ATP8B4: variants seen among roughly 807,000 people sequenced by gnomAD.
ATP8B4 encodes probable phospholipid-transporting ATPase IM.
ATP8B4 carries 133 observed loss-of-function variants against 145.6 expected under a neutral mutation model. The observed-to-expected ratio is 0.91, with a 90% CI of 0.79 to 1.05. ATP8B4 has a LOEUF of 1.05. ATP8B4 is among the 50% of genes least tolerant of loss of function. The pLI is 0.00. For missense variants in ATP8B4, 1,458 were observed against 1,425.2 expected (o/e 1.02, Z -0.37); for synonymous variants, 507 against 492.9 (o/e 1.03, Z -0.38).
chr15:50,168,528 G>T (rs1279829601), intron 1 of ATP8B4, among the ~76,000 whole-genome samples: 2 of 152,316 alleles, frequency 1.3e-5, no homozygotes, highest in East Asian at 3.9e-4. Flanking sequence ...AAGGCCCTGG[G>T]AGCTCGCTGG....
In ATP8B4 at chr15:49,898,048, T is replaced by C. The variant is rs760836659; in HGVS notation, c.2473+20A>G. The C allele has an allele frequency of 2.5e-5, 41 of 1,613,044 alleles. 2 individuals are homozygous for C. The highest frequency in any genetic ancestry group is 1.5e-4 in the South Asian group (14 of 91,062). On this transcript the variant is annotated intron_variant, in intron 22 of 27. Transcript: ENST00000284509. The stretch of plus-strand genomic sequence containing the variant: ...GACCCCATGTATGCAGCATACCCCA[T>C]TGAGCAAATATCCTCTTACTTTTAA...
At chr15:50,035,044 A>C (rs560440188) in intron 6 of ATP8B4, among the ~76,000 whole-genome samples, 70 of 152,310 alleles carry the variant, frequency 4.6e-4, no homozygotes, top group Admixed American at 2.6e-4. Context: ...TCATCAAAAG[A>C]TTTTACCAAA....
intron 2 of ATP8B4, among the ~76,000 whole-genome samples, chr15:50,102,883 A>G (rs558681041): frequency 2.0e-5 from 3 of 152,294 alleles, no homozygotes; most frequent in African/African-American, 7.2e-5. Context: ...CATATCAAAA[A>G]GATTCTCCAA....
rs190558622 is a variant in ATP8B4 at position 49,858,610 on chromosome 15, C to T, written c.*1584G>A. ...GTCTGACCAAGAATTTAATAGGGAC[C>T]AGATTAAGGACTCTGTAGAATTAGA... is the stretch of plus-strand genomic sequence containing the variant. On this transcript the variant is annotated 3_prime_UTR_variant, in exon 28 of 28. Coordinates refer to ENST00000284509, the MANE Select transcript of ATP8B4 (RefSeq NM_024837.4). 2.0e-5 allele frequency: 3 copies of T among 152,124 alleles called. No individual in the cohort carries two copies. Among genetic ancestry groups the T allele is most frequent in the African/African-American group, 4.8e-5 (2 of 41,432 alleles). 9.4% of individuals were successfully genotyped at this position (152,124 alleles called of 1,614,324 possible). A position where few individuals can be genotyped will look rare whatever the true frequency, so the allele number is the denominator to read the frequency against.
At chr15:49,869,523 T>TA (rs1263659781) in intron 25 of ATP8B4, among the ~76,000 whole-genome samples, 1 of 152,000 alleles carries the variant, frequency 6.6e-6, no homozygotes, top group African/African-American at 2.4e-5. Context: ...TGAAAAAAGA[T>TA]AAAAACTACA....
intron 3 of ATP8B4, among the ~76,000 whole-genome samples, chr15:50,055,871 C>T (rs987727909): frequency 6.6e-6 from 1 of 152,134 alleles, no homozygotes; most frequent in South Asian, 2.1e-4. Flanking sequence ...CAAAAGAATG[C>T]ATGTATGGGA....
chr15:49,904,071 C>T (rs1031558845), intron 20 of ATP8B4, among the ~76,000 whole-genome samples: 3 of 152,164 alleles, frequency 2.0e-5, no homozygotes, highest in African/African-American at 4.8e-5. Flanking sequence ...TATCTGACCT[C>T]TAGCCACTTG....
At chr15:49,901,285 C>A in intron 20 of ATP8B4, 46 bp from the exon 21 acceptor site, 2 of 1,567,222 alleles carry the variant, frequency 1.3e-6, no homozygotes, top group Non-Finnish European at 1.7e-6. Context: ...GCATACAGAG[C>A]ATGCCTACTA....
intron 3 of ATP8B4, among the ~76,000 whole-genome samples, chr15:50,059,301 C>T (rs2052834593): frequency 6.6e-6 from 1 of 152,140 alleles, no homozygotes; most frequent in Admixed American, 6.5e-5. Context: ...CCAATCAAAA[C>T]TCACTAGGCC....
chr15:49,987,959 T>C (rs2046760589), intron 9 of ATP8B4, among the ~76,000 whole-genome samples: 1 of 152,248 alleles, frequency 6.6e-6, no homozygotes. Flanking sequence ...TAAAATAGCA[T>C]ACTTCTAGTC....
intron 2 of ATP8B4, among the ~76,000 whole-genome samples, chr15:50,076,063 T>C (rs1466402648): frequency 3.9e-5 from 6 of 152,186 alleles, no homozygotes; most frequent in Non-Finnish European, 8.8e-5. Flanking sequence ...GGCTTTAGCT[T>C]GTTTCATATA....
intron 1 of ATP8B4, among the ~76,000 whole-genome samples, chr15:50,133,729 A>C (rs937979591): frequency 6.6e-6 from 1 of 152,238 alleles, no homozygotes; most frequent in Non-Finnish European, 1.5e-5. Flanking sequence ...TTCAGTCATA[A>C]GATGAATATG....
chr15:50,025,894 C>T (rs1469220023), intron 6 of ATP8B4, among the ~76,000 whole-genome samples: 1 of 152,138 alleles, frequency 6.6e-6, no homozygotes, highest in Non-Finnish European at 1.5e-5. Context: ...TACTATGTGT[C>T]ATGATATAAT....
chr15:50,047,159 A>C (rs1266133650), intron 4 of ATP8B4, among the ~76,000 whole-genome samples, 192 bp downstream of exon 4: 1 of 152,210 alleles, frequency 6.6e-6, no homozygotes, highest in Non-Finnish European at 1.5e-5. Context: ...TAAAATGATG[A>C]ATGTACTACT....
chr15:49,867,726 G>A (rs1416272521), intron 25 of ATP8B4, among the ~76,000 whole-genome samples: 3 of 152,138 alleles, frequency 2.0e-5, no homozygotes, highest in Non-Finnish European at 4.4e-5. Context: ...ACTAATAGAA[G>A]AGACAGACAA....
intron 1 of ATP8B4, among the ~76,000 whole-genome samples, chr15:50,113,625 G>A (rs1486332534): frequency 6.6e-6 from 1 of 152,032 alleles, no homozygotes; most frequent in Non-Finnish European, 1.5e-5. Context: ...GATCACCTGA[G>A]GTCAGGAGTT....
At chr15:50,100,923 T>C (rs1331784729) in intron 2 of ATP8B4, among the ~76,000 whole-genome samples, 2 of 152,110 alleles carry the variant, frequency 1.3e-5, no homozygotes, top group African/African-American at 4.8e-5. Flanking sequence ...ATTAACTAAT[T>C]AATAAAAAAA....
intron 5 of ATP8B4, among the ~76,000 whole-genome samples, chr15:50,043,849 A>C (rs1461810814): frequency 1.3e-5 from 2 of 150,518 alleles, no homozygotes; most frequent in African/African-American, 4.9e-5. Flanking sequence ...GCTACTCGGG[A>C]GGCTGAGGCA....
chr15:49,931,604 AT>A (rs2041264371), intron 15 of ATP8B4, among the ~76,000 whole-genome samples: 1 of 151,986 alleles, frequency 6.6e-6, no homozygotes, highest in African/African-American at 2.4e-5. Context: ...AAACCTTTGT[AT>A]TTTCTGTGAC....
Sources: allele counts gnomAD v4.1 joint callset (sites outside exome capture counted in the v4.1 genomes callset), GRCh38; gene constraint gnomAD v4.1.1; transcripts MANE v1.5; gene names NCBI Gene and HGNC (gene_info 2026-07-23, HGNC 2026-07-21).